Variants in ARHGAP42 observed in about 807,000 individuals in gnomAD.
The protein encoded by ARHGAP42 is Rho GTPase activating protein 42, also known as rho GTPase-activating protein 42.
A neutral mutation model predicts 125.0 loss-of-function variants in ARHGAP42; 63 were observed. That is an observed-to-expected ratio of 0.50 (90% CI 0.41 to 0.62). ARHGAP42 has a LOEUF of 0.62. ARHGAP42 is among the 20% of genes least tolerant of loss of function. ARHGAP42 has a pLI of 0.00. For missense variants in ARHGAP42, 766 were observed against 1,024.2 expected, an observed-to-expected ratio of 0.75 and a Z score of 3.44; for synonymous variants, 339 against 351.0, an observed-to-expected ratio of 0.97 and a Z score of 0.38.
chr11:100,938,451 A>G (rs57502383), intron 8 of ARHGAP42, among the ~76,000 whole-genome samples: 22,723 of 152,042 alleles, frequency 0.15, 1,959 homozygotes, highest in East Asian at 0.25. Context: ...CTCCCCCAAG[A>G]CAATTTCCAT....
rs977788856 is a variant in ARHGAP42, at chr11:100,705,451, G to GT, written c.154+17626dup. On this transcript the variant is annotated intron_variant, in intron 1 of 23. Transcript: ENST00000298815. ...GCACATCACCTGGCTTCTTTTGTGA[G>GT]TTTTTTTCTTTGTCCTTAATATGGG... 1.1e-4 allele frequency among the ~76,000 whole-genome samples: 16 copies of GT among 152,184 alleles called. No individual in the cohort carries two copies. The East Asian group carries it at 2.9e-3, about 28-fold the overall frequency.
intron 5 of ARHGAP42, among the ~76,000 whole-genome samples, chr11:100,916,706 G>A (rs1213969859): frequency 6.6e-6 from 1 of 152,076 alleles, no homozygotes; most frequent in Non-Finnish European, 1.5e-5. Context: ...AGGTAGTTGA[G>A]ACGATTTCTC....
intron 3 of ARHGAP42, among the ~76,000 whole-genome samples, chr11:100,847,009 C>T (rs1419100959): frequency 3.3e-5 from 5 of 152,100 alleles, no homozygotes; most frequent in Non-Finnish European, 7.4e-5. Flanking sequence ...AAACACAGGG[C>T]TTTATTAGTG....
At chr11:100,927,986 C>A (rs1192742905) in intron 6 of ARHGAP42, among the ~76,000 whole-genome samples, 1 of 152,084 alleles carries the variant, frequency 6.6e-6, no homozygotes, top group Admixed American at 6.6e-5. Flanking sequence ...TTTATATATG[C>A]TTTCGTTTTC....
At chr11:100,806,076 C>A (rs1307639557) in intron 3 of ARHGAP42, among the ~76,000 whole-genome samples, 1 of 152,110 alleles carries the variant, frequency 6.6e-6, no homozygotes, top group Non-Finnish European at 1.5e-5. Flanking sequence ...GGTTCAAATG[C>A]CTCTGATAAT....
At chr11:100,978,214 A>T (rs1858440010) in intron 21 of ARHGAP42, among the ~76,000 whole-genome samples, 1 of 152,180 alleles carries the variant, frequency 6.6e-6, no homozygotes, top group African/African-American at 2.4e-5. Context: ...AATTCAAATG[A>T]TTAAAGTGTG....
intron 23 of ARHGAP42, among the ~76,000 whole-genome samples, chr11:100,988,056 A>T (rs1165471472): frequency 2.6e-5 from 4 of 152,128 alleles, no homozygotes; most frequent in African/African-American, 9.7e-5. Flanking sequence ...TGAACCAGGG[A>T]GGCGGAGGTT....
intron 3 of ARHGAP42, among the ~76,000 whole-genome samples, chr11:100,800,770 C>G (rs1863831680): frequency 6.6e-6 from 1 of 151,982 alleles, no homozygotes; most frequent in Non-Finnish European, 1.5e-5. Flanking sequence ...AAAGAATGTG[C>G]AATGTAATGA....
At chr11:100,878,206 G>T (rs376666751) in intron 4 of ARHGAP42, among the ~76,000 whole-genome samples, 2 of 151,468 alleles carry the variant, frequency 1.3e-5, no homozygotes, top group African/African-American at 2.4e-5. Flanking sequence ...TCAGCTCACC[G>T]CAACCTCCGC....
intron 1 of ARHGAP42, among the ~76,000 whole-genome samples, chr11:100,755,543 G>T (rs185627468): frequency 6.6e-6 from 1 of 152,182 alleles, no homozygotes; most frequent in African/African-American, 2.4e-5. Flanking sequence ...ATTGCACACA[G>T]TTCCACTGAT....
chr11:100,948,662 G>A, intron 11 of ARHGAP42, 127 bp downstream of exon 11: 1 of 637,656 alleles, frequency 1.6e-6, no homozygotes, highest in Non-Finnish European at 2.5e-6. Flanking sequence ...AAGGAAATCA[G>A]GGGAGTAGAG....
At chr11:100,743,340 G>T (rs752829750) in intron 1 of ARHGAP42, among the ~76,000 whole-genome samples, 1 of 152,070 alleles carries the variant, frequency 6.6e-6, no homozygotes, top group Admixed American at 6.5e-5. Flanking sequence ...AGTTTTTCAG[G>T]ATACAAAATT....
intron 3 of ARHGAP42, among the ~76,000 whole-genome samples, chr11:100,848,311 T>C (rs1362666912): frequency 1.3e-5 from 2 of 152,156 alleles, no homozygotes; most frequent in African/African-American, 4.8e-5. Context: ...ATTAATATAC[T>C]TGAATGTGTT....
intron 6 of ARHGAP42, among the ~76,000 whole-genome samples, chr11:100,925,161 A>G (rs930784812): frequency 2.6e-5 from 4 of 152,010 alleles, no homozygotes; most frequent in Non-Finnish European, 4.4e-5. Context: ...TCAGTTCTCT[A>G]TAAGCCATCT....
At chr11:100,864,614 C>T (rs1386989824) in intron 4 of ARHGAP42, among the ~76,000 whole-genome samples, 1 of 152,146 alleles carries the variant, frequency 6.6e-6, no homozygotes, top group African/African-American at 2.4e-5. Context: ...GGCTCATCTT[C>T]CACATATAGA....
chr11:100,916,921 A>G (rs1413810920), intron 5 of ARHGAP42, among the ~76,000 whole-genome samples: 1 of 152,182 alleles, frequency 6.6e-6, no homozygotes, highest in Non-Finnish European at 1.5e-5. Flanking sequence ...AGAATTATTT[A>G]AAGACATTGA....
At chr11:100,882,072 A>G (rs947984800) in intron 4 of ARHGAP42, among the ~76,000 whole-genome samples, 4 of 152,184 alleles carry the variant, frequency 2.6e-5, no homozygotes, top group Admixed American at 6.5e-5. Context: ...ACTAATTTGG[A>G]TGCCCTTTAC....
At chr11:100,723,426 C>A (rs978377392) in intron 1 of ARHGAP42, among the ~76,000 whole-genome samples, 1 of 152,148 alleles carries the variant, frequency 6.6e-6, no homozygotes, top group Non-Finnish European at 1.5e-5. Flanking sequence ...AATATCTCTC[C>A]ATTTATTTAA....
At chr11:100,984,528 G>GT (rs1458252825) in intron 22 of ARHGAP42, among the ~76,000 whole-genome samples, 1 of 151,876 alleles carries the variant, frequency 6.6e-6, no homozygotes, top group East Asian at 1.9e-4. Context: ...TGAAGACATT[G>GT]TATCAATTTT....
Sources: gnomAD v4.1 joint callset for allele counts (sites outside exome capture counted in the v4.1 genomes callset) on GRCh38, gnomAD v4.1.1 for gene constraint, MANE v1.5 for transcripts, NCBI Gene and HGNC (gene_info 2026-07-23, HGNC 2026-07-21) for gene names.